Variants in ITPK1 observed in about 807,000 individuals in gnomAD.
The protein encoded by ITPK1 is inositol-tetrakisphosphate 1-kinase.
ITPK1 carries 21 observed loss-of-function variants against 45.3 expected under a neutral mutation model. The ratio of observed to expected loss-of-function variants is 0.46; its 90% CI spans 0.33 to 0.67. ITPK1 has a LOEUF of 0.67. Ranked by LOEUF, ITPK1 falls within the 30% of genes least tolerant of loss-of-function variation. The probability of loss-of-function intolerance (pLI) is 0.02; values close to 1 mark genes in which losing one functional copy is unlikely to be tolerated. For synonymous variants in ITPK1, 258 were observed against 253.6 expected (o/e 1.02, Z -0.16); for missense variants, 474 against 573.5 (o/e 0.83, Z 1.77).
At chr14:92,998,169 G>A (rs2139817763) in intron 4 of ITPK1, among the ~76,000 whole-genome samples, 1 of 152,350 alleles carries the variant, frequency 6.6e-6, no homozygotes, top group Middle Eastern at 3.4e-3. Flanking sequence ...GGAGGCAGCT[G>A]CTGTGGGCAT....
rs1187708272 is a variant in ITPK1, at chr14:92,938,426, T to G, written c.*3135A>C. 7.2e-6 allele frequency: 10 copies of G among 1,398,118 alleles called. 1 individual carries two copies. In the Admixed American group the frequency reaches 1.7e-4, roughly 23 times the overall value. The allele number at this position is 1,398,118 out of a possible 1,614,324, so 86.6% of individuals were successfully genotyped here. On this transcript the variant is annotated 3_prime_UTR_variant, in exon 11 of 11. Transcript: ENST00000267615. ...GGCTCCCTTGGTCTTGGGGTGGCTG[T>G]CTGGCAGGCAACAGCTGCTTTGCTC...
intron 5 of ITPK1, among the ~76,000 whole-genome samples, chr14:92,977,269 C>T (rs764730266): frequency 9.9e-5 from 15 of 152,204 alleles, no homozygotes; most frequent in Non-Finnish European, 1.8e-4. Flanking sequence ...TCCAAGATCA[C>T]CTTACAGAGC....
chr14:93,097,370 G>T (rs1350517083), intron 2 of ITPK1, among the ~76,000 whole-genome samples: 1 of 152,216 alleles, frequency 6.6e-6, no homozygotes, highest in Non-Finnish European at 1.5e-5. Context: ...GTTAGTGTCA[G>T]GAACAAGCCC....
intron 5 of ITPK1, among the ~76,000 whole-genome samples, chr14:92,965,768 C>T (rs1429842049): frequency 6.6e-6 from 1 of 152,132 alleles, no homozygotes; most frequent in Non-Finnish European, 1.5e-5. Flanking sequence ...CTTTGGGAGG[C>T]CAAAGCAGGC....
At chr14:93,106,986 C>T (rs1253824335) in intron 2 of ITPK1, among the ~76,000 whole-genome samples, 3 of 151,714 alleles carry the variant, frequency 2.0e-5, no homozygotes, top group Non-Finnish European at 1.5e-5. Context: ...GAGACAGAGT[C>T]CAGCTCTGTC....
At chr14:93,011,330 G>A (rs975608762) in intron 4 of ITPK1, among the ~76,000 whole-genome samples, 2 of 152,230 alleles carry the variant, frequency 1.3e-5, no homozygotes, top group South Asian at 2.1e-4. Context: ...GCCTGGCCTC[G>A]CTTGGCGGAC....
At chr14:92,962,455 G>T (rs558428114) in intron 6 of ITPK1, 60 bp from the exon 7 acceptor site, 2 of 1,153,810 alleles carry the variant, frequency 1.7e-6, no homozygotes, top group South Asian at 1.2e-5. Context: ...CCACAAGGCA[G>T]GTACTTGGCA....
chr14:92,989,937 C>G (rs1289831590), intron 5 of ITPK1, among the ~76,000 whole-genome samples: 1 of 152,142 alleles, frequency 6.6e-6, no homozygotes, highest in East Asian at 1.9e-4. Context: ...GGGACTGCTG[C>G]TGAGGTCACA....
chr14:93,047,213 G>A (rs912635058), intron 3 of ITPK1, among the ~76,000 whole-genome samples: 21 of 152,088 alleles, frequency 1.4e-4, no homozygotes, highest in Admixed American at 4.6e-4. Context: ...CCTCCCCGAC[G>A]TTTAAGCCAC....
intron 7 of ITPK1, among the ~76,000 whole-genome samples, chr14:92,960,117 G>C (rs2139736848): frequency 6.6e-6 from 1 of 152,348 alleles, no homozygotes; most frequent in Non-Finnish European, 1.5e-5. Flanking sequence ...GAGTCCGCTG[G>C]GGTCTCTGAG....
intron 2 of ITPK1, among the ~76,000 whole-genome samples, chr14:93,105,190 CTG>C (rs1489397368): frequency 6.6e-6 from 1 of 152,130 alleles, no homozygotes; most frequent in East Asian, 1.9e-4. Flanking sequence ...CGGTGCCAGA[CTG>C]GAGATTCCCA....
At chr14:93,088,338 TTTG>T (rs1294952801) in intron 2 of ITPK1, among the ~76,000 whole-genome samples, 8 of 146,670 alleles carry the variant, frequency 5.5e-5, no homozygotes, top group African/African-American at 2.1e-4. Flanking sequence ...TTGGTTTTGT[TTTG>T]TTTTTTTTTT....
At chr14:92,964,456 G>T (rs1180128304) in intron 5 of ITPK1, among the ~76,000 whole-genome samples, 1 of 152,218 alleles carries the variant, frequency 6.6e-6, no homozygotes, top group Non-Finnish European at 1.5e-5. Context: ...TCCAAACAAG[G>T]CCCCAGGCAG....
chr14:92,963,916 GGGCGGTCTGCCACCCACA>G (rs1288850299), intron 5 of ITPK1, among the ~76,000 whole-genome samples: 3 of 152,148 alleles, frequency 2.0e-5, no homozygotes, highest in African/African-American at 7.2e-5. Context: ...AGCGGGGCGG[GGGCGGTCTGCCACCCACA>G]GGCTTGGAAA....
At chr14:93,087,179 C>T (rs1484104960) in intron 2 of ITPK1, among the ~76,000 whole-genome samples, 1 of 152,234 alleles carries the variant, frequency 6.6e-6, no homozygotes, top group African/African-American at 2.4e-5. Flanking sequence ...AGGGAGAAAT[C>T]GATTCCTCCG....
chr14:92,963,026 C>A (rs556623399), intron 5 of ITPK1, among the ~76,000 whole-genome samples, 177 bp from the exon 6 acceptor site: 2 of 152,204 alleles, frequency 1.3e-5, no homozygotes, highest in Admixed American at 1.3e-4. Context: ...CACAGCCCTG[C>A]CGTTACATTG....
At chr14:93,024,145 T>C (rs2139873167) in intron 3 of ITPK1, among the ~76,000 whole-genome samples, 1 of 152,256 alleles carries the variant, frequency 6.6e-6, no homozygotes, top group African/African-American at 2.4e-5. Context: ...CCTGTGTGTG[T>C]TGCGGGGAGA....
In ITPK1 at chr14:92,981,764, C is replaced by G. The variant is rs115764114; in HGVS notation, c.364+12116G>C. Among the ~76,000 whole-genome samples, 958 of 152,266 alleles carry G rather than the reference C, an allele frequency of 6.3e-3. 11 individuals are homozygous for G. The highest frequency in any genetic ancestry group is 0.022 in the African/African-American group (907 of 41,540). Reference sequence around the variant, plus strand: ...GAAGACAGCGGCCAGCAGACAATGACGAAACAGTGGAATGAATGTGCGATG... The same window carrying G: ...GAAGACAGCGGCCAGCAGACAATGAGGAAACAGTGGAATGAATGTGCGATG... On this transcript the variant is annotated intron_variant, in intron 5 of 10. Coordinates refer to ENST00000267615, the MANE Select transcript of ITPK1 (RefSeq NM_014216.6).
rs1403190784 is a variant in ITPK1, at chr14:93,059,252, G to A, written c.120+17343C>T. Among the ~76,000 whole-genome samples, 15 of 73,710 alleles carry A rather than the reference G, an allele frequency of 2.0e-4. No homozygotes were observed. The South Asian group carries it at 8.7e-3, about 43-fold the overall frequency. The allele number at this position is 73,710 out of a possible 152,430, so 48.4% of individuals were successfully genotyped here. A position where few individuals can be genotyped will look rare whatever the true frequency, so the allele number is the denominator to read the frequency against. ...GGAGGGTGTGTGGGTCTCGAGGCGGGGATGGGTGCTGGTCATGAGGCAGGG... is the reference window on the plus strand; with the variant it reads ...GGAGGGTGTGTGGGTCTCGAGGCGGAGATGGGTGCTGGTCATGAGGCAGGG... On this transcript the variant is annotated intron_variant, in intron 3 of 10. Transcript: ENST00000267615.
Sources: gnomAD v4.1 joint callset for allele counts (sites outside exome capture counted in the v4.1 genomes callset) on GRCh38, gnomAD v4.1.1 for gene constraint, MANE v1.5 for transcripts, NCBI Gene and HGNC (gene_info 2026-07-23, HGNC 2026-07-21) for gene names.